ST6GALNAC1: variants seen among roughly 807,000 people sequenced by gnomAD.
ST6GALNAC1 encodes the protein alpha-N-acetylgalactosaminide alpha-2,6-sialyltransferase 1.
ST6GALNAC1 carries 45 observed loss-of-function variants against 56.8 expected under a neutral mutation model. The ratio of observed to expected loss-of-function variants is 0.79; its 90% CI spans 0.62 to 1.02. The LOEUF is 1.02. Ranked by LOEUF, ST6GALNAC1 falls within the 50% of genes least tolerant of loss-of-function variation. The probability of loss-of-function intolerance (pLI) is 0.00; values close to 1 mark genes in which losing one functional copy is unlikely to be tolerated. For synonymous variants in ST6GALNAC1, 295 were observed against 297.8 expected, an observed-to-expected ratio of 0.99 and a Z score of 0.10; for missense variants, 743 against 754.8, an observed-to-expected ratio of 0.98 and a Z score of 0.18.
the ST6GALNAC1 span, among the ~76,000 whole-genome samples, chr17:76,618,900 C>T: frequency 9.9e-5 from 15 of 152,118 alleles, no homozygotes; most frequent in South Asian, 2.1e-4. Flanking sequence ...GCTGAGATCA[C>T]GCCACTGCAC....
Position 76,643,605 on chromosome 17 carries a change from T to G in ST6GALNAC1, c.34A>C (p.Ser12Arg), listed in dbSNP as rs1324844582. ...RSCLWRCRHL[S>R]QGVQWSLLLA... Reference sequence around the variant, plus strand: ...AGCAAGGACCACTGGACGCCTTGGCTCAGGTGCCTGCATCTCCACAGGCAG... The same window carrying G: ...AGCAAGGACCACTGGACGCCTTGGCGCAGGTGCCTGCATCTCCACAGGCAG... Residue 12 changes from serine (S) to arginine (R), a missense_variant, in exon 1 of 9, where the codon AGC (serine) becomes CGC (arginine). By Grantham distance (110) the Ser-to-Arg change is moderately radical. Coordinates refer to ENST00000156626, the MANE Select transcript of ST6GALNAC1 (RefSeq NM_018414.5). The G allele has an allele frequency of 6.2e-7, 1 of 1,613,984 alleles. No homozygotes were observed. Among genetic ancestry groups the G allele is most frequent in the Non-Finnish European group, 8.5e-7 (1 of 1,179,986 alleles).
chr17:76,635,440 G>T (rs893171457), intron 1 of ST6GALNAC1, among the ~76,000 whole-genome samples: 4 of 152,146 alleles, frequency 2.6e-5, no homozygotes, highest in Non-Finnish European at 4.4e-5. Context: ...AGGAATTCGA[G>T]ACCAGCCTGG....
At chr17:76,620,134 G>A (rs1004285894), downstream of ST6GALNAC1, among the ~76,000 whole-genome samples, 55 of 151,772 alleles carry the variant, frequency 3.6e-4, no homozygotes, top group African/African-American at 1.3e-3. Flanking sequence ...TCTGCCCCTC[G>A]GGTTCAAGCA....
chr17:76,634,839 G>A (rs540513756), intron 1 of ST6GALNAC1, among the ~76,000 whole-genome samples: 5 of 152,012 alleles, frequency 3.3e-5, no homozygotes, highest in Non-Finnish European at 5.9e-5. Flanking sequence ...AGCTGAGATC[G>A]TACCACTGCA....
downstream of ST6GALNAC1, among the ~76,000 whole-genome samples, chr17:76,621,743 G>A (rs1282810679): frequency 6.6e-6 from 1 of 152,050 alleles, no homozygotes; most frequent in Non-Finnish European, 1.5e-5. Flanking sequence ...CCAAAGTGTT[G>A]GCATTACAGG....
At chr17:76,637,271 CTA>C (rs2075988903) in intron 1 of ST6GALNAC1, among the ~76,000 whole-genome samples, 1 of 13,890 alleles carries the variant, frequency 7.2e-5, no homozygotes, top group African/African-American at 3.3e-4. Context: ...TCAATAAATA[CTA>C]AAAAAAAAAA....
intron 1 of ST6GALNAC1, among the ~76,000 whole-genome samples, chr17:76,637,271 C>CAAAAAAAA (rs1567961276): frequency 7.2e-5 from 1 of 13,888 alleles, no homozygotes; most frequent in African/African-American, 3.3e-4. Context: ...TCAATAAATA[C>CAAAAAAAA]TAAAAAAAAA....
chr17:76,623,012 C>T (rs2075756953), downstream of ST6GALNAC1, among the ~76,000 whole-genome samples: 1 of 152,196 alleles, frequency 6.6e-6, no homozygotes, highest in South Asian at 2.1e-4. Flanking sequence ...CCAGGCTGGT[C>T]TTGAACTCCC....
rs769240761 is a variant in ST6GALNAC1 at position 76,625,011 on chromosome 17, G to C, written c.*319C>G. On this transcript the variant is annotated 3_prime_UTR_variant, in exon 9 of 9. Coordinates refer to ENST00000156626, the MANE Select transcript of ST6GALNAC1 (RefSeq NM_018414.5). ...GATCTATATGTTTCTGTAAATCCAG[G>C]CTCTTTTTTCTGTATCAAGAAGCTT... 8.3e-6 allele frequency: 3 copies of C among 359,670 alleles called. No individual in the cohort carries two copies. The East Asian group carries it at 1.6e-4, about 19-fold the overall frequency. The allele number at this position is 359,670 out of a possible 1,614,324, so 22.3% of individuals were successfully genotyped here. A position where few individuals can be genotyped will look rare whatever the true frequency, so the allele number is the denominator to read the frequency against.
At chr17:76,638,956 CTTCTCAGTCCT>C (rs932145808) in intron 1 of ST6GALNAC1, among the ~76,000 whole-genome samples, 2 of 152,176 alleles carry the variant, frequency 1.3e-5, no homozygotes, top group African/African-American at 4.8e-5. Flanking sequence ...GATCTGACTT[CTTCTCAGTCCT>C]TTCTTCCTGT....
Position 76,643,591 on chromosome 17 carries a change from C to G in ST6GALNAC1, c.48G>C (p.Gln16His), listed in dbSNP as rs757106549. ...WRCRHLSQGV[Q>H]WSLLLAVLVF... Reference sequence around the variant, plus strand: ...CCAGGACAGCCAGAAGCAAGGACCACTGGACGCCTTGGCTCAGGTGCCTGC... The same window carrying G: ...CCAGGACAGCCAGAAGCAAGGACCAGTGGACGCCTTGGCTCAGGTGCCTGC... Residue 16 changes from glutamine to histidine, a missense_variant, in exon 1 of 9, where the codon CAG becomes CAC. Transcript: ENST00000156626. 6.2e-7 allele frequency: 1 copy of G among 1,614,162 alleles called. No homozygotes were observed. Among genetic ancestry groups the G allele is most frequent in the Non-Finnish European group, 8.5e-7 (1 of 1,180,004 alleles).
At position 76,625,309 on chromosome 17, in the gene ST6GALNAC1, C is replaced by G. The variant is rs770917684; in HGVS notation, c.*21G>C. On this transcript the variant is annotated 3_prime_UTR_variant, in exon 9 of 9. Coordinates refer to ENST00000156626, the MANE Select transcript of ST6GALNAC1 (RefSeq NM_018414.5). ...CTGTGCCTTGGAGCAGGCAAGGAGA[C>G]CATGGCAGCCCTGGCCCCGGTCAGT... is the stretch of plus-strand genomic sequence containing the variant. The G allele has an allele frequency of 6.2e-7, 1 of 1,609,494 alleles. No individual in the cohort carries two copies. Among genetic ancestry groups the G allele is most frequent in the African/African-American group, 1.3e-5 (1 of 74,802 alleles).
the ST6GALNAC1 span, among the ~76,000 whole-genome samples, chr17:76,617,727 C>T: frequency 0.019 from 2,819 of 150,792 alleles, 74 homozygotes; most frequent in African/African-American, 0.053. Flanking sequence ...GCTGCGATCA[C>T]GCCACTGCAC....
chr17:76,620,040 G>A (rs144285907), downstream of ST6GALNAC1, among the ~76,000 whole-genome samples: 169 of 141,612 alleles, frequency 1.2e-3, no homozygotes, highest in Non-Finnish European at 2.2e-3. Flanking sequence ...CACTGTGCCC[G>A]GCCTTTTTAA....
chr17:76,632,210 T>G (rs759267408), intron 1 of ST6GALNAC1, among the ~76,000 whole-genome samples: 1 of 152,112 alleles, frequency 6.6e-6, no homozygotes, highest in Non-Finnish European at 1.5e-5. Context: ...CCTTCCAAAC[T>G]CCGGCAGCCC....
intron 7 of ST6GALNAC1, 34 bp from the exon 8 acceptor site, chr17:76,625,952 G>A (rs746178478): frequency 1.2e-5 from 20 of 1,604,550 alleles, no homozygotes; most frequent in Non-Finnish European, 1.6e-5. Flanking sequence ...ACTGTCAGGA[G>A]GCTGCAAGGA....
intron 1 of ST6GALNAC1, among the ~76,000 whole-genome samples, chr17:76,639,635 A>C (rs1370064314): frequency 2.3e-5 from 3 of 127,712 alleles, no homozygotes; most frequent in Non-Finnish European, 4.8e-5. Context: ...TAATTACATG[A>C]TAAACACACA....
chr17:76,621,182 C>CCTTTTT (rs1555633321), downstream of ST6GALNAC1, among the ~76,000 whole-genome samples: 7 of 105,324 alleles, frequency 6.6e-5, no homozygotes, highest in African/African-American at 2.4e-4. Context: ...TTCTTTCTTT[C>CCTTTTT]TTTCTTTTTT....
Position 76,625,422 on chromosome 17 carries a change from G to C in ST6GALNAC1, c.1711C>G (p.Leu571Val). The change falls in exon 9 of 9, where the codon CTG (leucine) becomes GTG (valine). Residue 571 changes from leucine to valine, a missense_variant. Leu to Val is a conservative substitution (Grantham distance 32). Transcript: ENST00000156626. Reference protein sequence around the residue: ...LIFYINHDFKLEREVWKRLHD... With the variant: ...LIFYINHDFKVEREVWKRLHD... The stretch of plus-strand genomic sequence containing the variant: ...AGCCGCTTCCAGACTTCTCTCTCCA[G>C]CTTGAAGTCATGGTTTATGTAAAAG... 1 of 1,614,138 alleles carries C rather than the reference G, an allele frequency of 6.2e-7. No individual in the cohort carries two copies.
Sources: gnomAD v4.1 joint callset for allele counts (sites outside exome capture counted in the v4.1 genomes callset) on GRCh38, gnomAD v4.1.1 for gene constraint, MANE v1.5 for transcripts, NCBI Gene and HGNC (gene_info 2026-07-23, HGNC 2026-07-21) for gene names.